The following C2CD3 variants were observed in gnomAD, a reference collection of about 807,000 sequenced individuals.
The protein encoded by C2CD3 is C2 domain-containing protein 3.
Under a neutral mutation model 234.0 loss-of-function variants are expected in C2CD3, and 148 were observed. The ratio of observed to expected loss-of-function variants is 0.63; its 90% CI spans 0.55 to 0.72. The LOEUF is 0.72. C2CD3 is among the 30% of genes least tolerant of loss of function. The pLI is 0.00. For synonymous variants in C2CD3, 1,000 were observed against 1,035.4 expected, an observed-to-expected ratio of 0.97 and a Z score of 0.66; for missense variants, 2,577 against 2,811.5, an observed-to-expected ratio of 0.92 and a Z score of 1.89.
intron 29 of C2CD3, among the ~76,000 whole-genome samples, chr11:74,040,959 C>T (rs910158739): frequency 5.7e-5 from 8 of 140,052 alleles, no homozygotes; most frequent in Non-Finnish European, 6.0e-5. Context: ...ACATTTTTTC[C>T]TTAAATTTTT....
chr11:74,086,208 A>G (rs1182886274), intron 20 of C2CD3, among the ~76,000 whole-genome samples: 1 of 152,180 alleles, frequency 6.6e-6, no homozygotes, highest in East Asian at 1.9e-4. Context: ...GCTCATTGCA[A>G]TTAAGGAAAA....
At chr11:74,099,424 T>C (rs532939180) in intron 15 of C2CD3, among the ~76,000 whole-genome samples, 4 of 152,286 alleles carry the variant, frequency 2.6e-5, no homozygotes, top group East Asian at 1.9e-4. Flanking sequence ...ATCTGTAATA[T>C]AGGGATAATA....
chr11:74,150,154 G>GC (rs1855499034), intron 3 of C2CD3, among the ~76,000 whole-genome samples: 1 of 136,432 alleles, frequency 7.3e-6, no homozygotes, highest in Non-Finnish European at 1.6e-5. Flanking sequence ...CTTTCCTTTT[G>GC]TAAAAAAAAA....
intron 13 of C2CD3, among the ~76,000 whole-genome samples, chr11:74,104,102 T>C (rs12223320): frequency 0.19 from 29,199 of 152,098 alleles, 2,964 homozygotes; most frequent in East Asian, 0.3. Context: ...GAGTTAGAAA[T>C]CACCATTTGA....
intron 24 of C2CD3, among the ~76,000 whole-genome samples, chr11:74,073,565 C>T (rs826067): frequency 0.065 from 8,984 of 138,904 alleles, 855 homozygotes; most frequent in African/African-American, 0.22. Context: ...GCAGCCTGGG[C>T]GACAGAGCAA....
At position 74,034,139 on chromosome 11, in the gene C2CD3, T is replaced by A. The variant is rs774882564; in HGVS notation, c.6021A>T (p.Pro2007=). Residue 2007 remains proline (P), a synonymous_variant, in exon 31 of 33, where the codon CCA becomes CCT. Transcript: ENST00000334126. The part of the protein sequence containing the change: ...LQERCTMPDE[P]LVRAPDKGTD... ...TGCCTTTATCTGGAGCTCTTACCAA[T>A]GGCTCATCTGGCATTGTGCATCGTT... 5.9e-6 allele frequency: 9 copies of A among 1,536,202 alleles called. No individual in the cohort carries two copies. The South Asian group carries it at 1.1e-4, about 18-fold the overall frequency.
At chr11:74,154,397 T>C (rs376366246) in intron 3 of C2CD3, among the ~76,000 whole-genome samples, 10 of 152,062 alleles carry the variant, frequency 6.6e-5, no homozygotes, top group East Asian at 5.8e-4. Context: ...TCCTCAAGTT[T>C]GGCCCAAAGT....
intron 3 of C2CD3, among the ~76,000 whole-genome samples, chr11:74,150,220 G>C (rs544640737): frequency 8.3e-4 from 126 of 151,752 alleles, no homozygotes; most frequent in Non-Finnish European, 1.4e-3. Flanking sequence ...GCTCACGCCT[G>C]TAATCCTAGC....
intron 3 of C2CD3, among the ~76,000 whole-genome samples, chr11:74,144,771 A>T (rs920578959): frequency 6.6e-6 from 1 of 152,166 alleles, no homozygotes; most frequent in African/African-American, 2.4e-5. Context: ...TGTCCTGCAA[A>T]GGACATGATC....
intron 7 of C2CD3, among the ~76,000 whole-genome samples, chr11:74,125,440 C>G (rs911186073): frequency 6.6e-6 from 1 of 152,068 alleles, no homozygotes; most frequent in Non-Finnish European, 1.5e-5. Flanking sequence ...GGTGTGAGCC[C>G]CCATGCCTGG....
intron 31 of C2CD3, 38 bp from the exon 32 acceptor site, chr11:74,028,436 C>T (rs1005189227): frequency 7.3e-7 from 1 of 1,362,048 alleles, no homozygotes; most frequent in African/African-American, 1.4e-5. Context: ...ACCTAGAAGT[C>T]CACCCCTCTT....
intron 7 of C2CD3, among the ~76,000 whole-genome samples, chr11:74,127,867 C>CTT (rs1184737721): frequency 7.0e-6 from 1 of 142,846 alleles, no homozygotes. Flanking sequence ...TGTATATTGG[C>CTT]TTTTTTTTTT....
chr11:74,095,211 C>T lies in C2CD3; in HGVS notation c.3160+17G>A. 1 of 1,544,476 alleles carries T rather than the reference C, an allele frequency of 6.5e-7. No homozygotes were observed. Among genetic ancestry groups the T allele is most frequent in the Non-Finnish European group, 8.8e-7 (1 of 1,141,978 alleles). ...AAGAACCATATAAGAATAAGAAAGCCTAATATCTAAACCTACCATTTTCAA... is the reference window on the plus strand; with the variant it reads ...AAGAACCATATAAGAATAAGAAAGCTTAATATCTAAACCTACCATTTTCAA... On this transcript the variant is annotated intron_variant, in intron 17 of 32. Transcript: ENST00000334126.
At chr11:74,131,620 C>T (rs987032434) in intron 7 of C2CD3, among the ~76,000 whole-genome samples, 1 of 150,800 alleles carries the variant, frequency 6.6e-6, no homozygotes, top group Admixed American at 6.6e-5. Context: ...CTTACTCCTT[C>T]TATCATCCAG....
chr11:74,130,963 T>G (rs549769044), intron 7 of C2CD3, among the ~76,000 whole-genome samples: 16 of 152,064 alleles, frequency 1.1e-4, no homozygotes, highest in African/African-American at 3.9e-4. Flanking sequence ...CAATGTTTTA[T>G]AGTTTTTGAT....
chr11:74,118,326 A>G lies in C2CD3; in HGVS notation c.1422T>C (p.Ser474=). ...FLSEEDDIVP[S]KKISQSTALA... is the part of the protein sequence containing the mutation. Reference sequence around the variant, plus strand: ...GAGCTGTTGACTGGCTTATTTTTTTAGAAGGGACGATATCATCCTCTTCAC... The same window carrying G: ...GAGCTGTTGACTGGCTTATTTTTTTGGAAGGGACGATATCATCCTCTTCAC... Residue 474 remains serine (S), a synonymous_variant, in exon 9 of 33, where the codon TCT becomes TCC. Transcript: ENST00000334126. 2 of 1,612,736 alleles carry G rather than the reference A, an allele frequency of 1.2e-6. No individual in the cohort carries two copies. Among genetic ancestry groups the G allele is most frequent in the East Asian group, 2.2e-5 (1 of 44,864 alleles).
intron 32 of C2CD3, among the ~76,000 whole-genome samples, chr11:74,026,020 T>C (rs1952278924): frequency 6.6e-6 from 1 of 152,164 alleles, no homozygotes; most frequent in East Asian, 1.9e-4. Flanking sequence ...ACCGGAGTAG[T>C]AAGAAAGGCC....
At chr11:74,034,685 G>A (rs559919169) in intron 30 of C2CD3, 12 of 1,177,824 alleles carry the variant, frequency 1.0e-5, no homozygotes, top group South Asian at 6.2e-5. Context: ...ATTTTACTTC[G>A]AAAATAAAAG....
chr11:74,074,148 C>T lies in C2CD3; in HGVS notation c.4951+105G>A, dbSNP rs1438468085. The T allele has an allele frequency of 3.8e-6, 3 of 779,614 alleles. No individual in the cohort carries two copies. The East Asian group carries it at 8.0e-5, about 21-fold the overall frequency. The allele number at this position is 779,614 out of a possible 1,614,324, so 48.3% of individuals were successfully genotyped here. On this transcript the variant is annotated intron_variant, in intron 24 of 32. Coordinates refer to ENST00000334126, the MANE Select transcript of C2CD3 (RefSeq NM_001286577.2). The stretch of plus-strand genomic sequence containing the variant: ...TTAGGCTTGAGAAATAAATATTTAT[C>T]AGTTGAGATAATTAACAGATCCTGC...
Sources: gnomAD v4.1 joint callset for allele counts (sites outside exome capture counted in the v4.1 genomes callset) on GRCh38, gnomAD v4.1.1 for gene constraint, MANE v1.5 for transcripts, NCBI Gene and HGNC (gene_info 2026-07-23, HGNC 2026-07-21) for gene names.